Variants in CAP2 observed in about 807,000 individuals in gnomAD.
CAP2 encodes the protein adenylyl cyclase-associated protein 2.
CAP2 carries 24 observed loss-of-function variants against 57.7 expected under a neutral mutation model. The ratio of observed to expected loss-of-function variants is 0.42; its 90% CI spans 0.30 to 0.58. The LOEUF (loss-of-function observed/expected upper bound fraction) is 0.58, where lower values mean the gene tolerates loss of function less well. CAP2 is among the 20% of genes least tolerant of loss of function. The probability of loss-of-function intolerance (pLI) is 0.22; values close to 1 mark genes in which losing one functional copy is unlikely to be tolerated. For missense variants in CAP2, 501 were observed against 590.3 expected, an observed-to-expected ratio of 0.85 and a Z score of 1.57; for synonymous variants, 194 against 207.2, an observed-to-expected ratio of 0.94 and a Z score of 0.55.
intron 4 of CAP2, among the ~76,000 whole-genome samples, chr6:17,463,725 T>C (rs1561792780): frequency 6.6e-6 from 1 of 152,160 alleles, no homozygotes; most frequent in Non-Finnish European, 1.5e-5. Context: ...TGATCCTCAT[T>C]CTCAAAACAC....
At chr6:17,402,081 G>T (rs1453614888) in intron 1 of CAP2, among the ~76,000 whole-genome samples, 1 of 152,146 alleles carries the variant, frequency 6.6e-6, no homozygotes, top group African/African-American at 2.4e-5. Context: ...TTTGCCAAAG[G>T]TACATGTGCA....
chr6:17,458,211 C>G (rs1760627617), intron 3 of CAP2, among the ~76,000 whole-genome samples: 1 of 152,206 alleles, frequency 6.6e-6, no homozygotes, highest in Non-Finnish European at 1.5e-5. Flanking sequence ...TGAAAGCCCT[C>G]TATTCTTCCC....
At position 17,556,527 on chromosome 6, in the gene CAP2, T is replaced by G. The variant is rs566767135; in HGVS notation, c.*85T>G. On this transcript the variant is annotated 3_prime_UTR_variant, in exon 13 of 13. Coordinates refer to ENST00000229922, the MANE Select transcript of CAP2 (RefSeq NM_006366.3). ...AGCAGTAAAGAGCTAGAAGTTGCAG[T>G]AGCCCCTACTGCTTTAGCTTTGGCC... is the stretch of plus-strand genomic sequence containing the variant. 2.8e-3 allele frequency: 2,530 copies of G among 919,624 alleles called. 7 individuals are homozygous for G. Among genetic ancestry groups the G allele is most frequent in the Non-Finnish European group, 3.9e-3 (2,143 of 550,404 alleles). The allele number at this position is 919,624 out of a possible 1,614,324, so 57.0% of individuals were successfully genotyped here.
intron 6 of CAP2, among the ~76,000 whole-genome samples, chr6:17,511,631 T>C (rs1231252669): frequency 6.6e-6 from 1 of 152,092 alleles, no homozygotes; most frequent in African/African-American, 2.4e-5. Flanking sequence ...TTTTTGCATT[T>C]TTAGTGGAGA....
rs1262352983 is a variant in CAP2, at chr6:17,492,422, C to T, written c.301-14747C>T. On this transcript the variant is annotated intron_variant, in intron 4 of 12. Coordinates refer to ENST00000229922, the MANE Select transcript of CAP2 (RefSeq NM_006366.3). ...AGGGTCTAGCAGGAACATGGAACTG[C>T]AGCTGGCAGGCTTTATTCTGTGCTG... Among the ~76,000 whole-genome samples the T allele has an allele frequency of 2.6e-5, 4 of 152,182 alleles. No homozygotes were observed. The South Asian group carries it at 8.3e-4, about 32-fold the overall frequency.
At chr6:17,547,578 A>G (rs1763074025) in intron 11 of CAP2, among the ~76,000 whole-genome samples, 1 of 152,222 alleles carries the variant, frequency 6.6e-6, no homozygotes, top group Non-Finnish European at 1.5e-5. Flanking sequence ...ACGGTGGCTC[A>G]CGCCTGTAAT....
intron 3 of CAP2, among the ~76,000 whole-genome samples, chr6:17,453,528 A>AC (rs1325254172): frequency 6.6e-6 from 1 of 152,216 alleles, no homozygotes; most frequent in Non-Finnish European, 1.5e-5. Flanking sequence ...TGCCTTGACC[A>AC]CAGTGAACGG....
chr6:17,526,271 C>A (rs1762506722), intron 7 of CAP2, among the ~76,000 whole-genome samples: 1 of 152,066 alleles, frequency 6.6e-6, no homozygotes, highest in Non-Finnish European at 1.5e-5. Context: ...GCACGCACCA[C>A]CATACCTGAC....
intron 7 of CAP2, among the ~76,000 whole-genome samples, chr6:17,526,122 T>C (rs979198689): frequency 2.8e-5 from 4 of 145,136 alleles, no homozygotes; most frequent in Admixed American, 1.4e-4. Flanking sequence ...AAATGTGTCT[T>C]TTTTTTTTTT....
intron 4 of CAP2, 97 bp downstream of exon 4, chr6:17,463,170 C>T (rs1760773923): frequency 1.2e-6 from 1 of 818,804 alleles, no homozygotes. Flanking sequence ...AGTCGACCTC[C>T]TAAAAATGAG....
intron 1 of CAP2, among the ~76,000 whole-genome samples, chr6:17,405,628 T>C (rs1434592958): frequency 1.3e-5 from 2 of 152,178 alleles, no homozygotes; most frequent in Non-Finnish European, 2.9e-5. Context: ...GGGCAACTAC[T>C]CTATTTGGAT....
At chr6:17,507,831 A>G (rs1421772644) in intron 6 of CAP2, 105 bp downstream of exon 6, 1 of 657,962 alleles carries the variant, frequency 1.5e-6, no homozygotes, top group Non-Finnish European at 2.8e-6. Context: ...AAGGCTCTAC[A>G]CTAATGTACT....
chr6:17,429,739 A>G (rs1016909687), intron 3 of CAP2, among the ~76,000 whole-genome samples: 4 of 152,226 alleles, frequency 2.6e-5, no homozygotes, highest in African/African-American at 9.6e-5. Context: ...CAAGCAAGAA[A>G]GAGAGAAAGA....
intron 1 of CAP2, among the ~76,000 whole-genome samples, chr6:17,393,955 G>A (rs916645251): frequency 4.0e-4 from 59 of 147,694 alleles, no homozygotes; most frequent in African/African-American, 1.3e-3. Context: ...CGGGGCGCGG[G>A]CGCGGGCGGA....
At chr6:17,393,919 G>A (rs1758602746) in intron 1 of CAP2, among the ~76,000 whole-genome samples, 173 bp downstream of exon 1, 1 of 147,738 alleles carries the variant, frequency 6.8e-6, no homozygotes, top group African/African-American at 2.4e-5. Context: ...CGCGGGCGCG[G>A]GGGCCGGGGC....
At chr6:17,487,230 GT>G (rs796187148) in intron 4 of CAP2, among the ~76,000 whole-genome samples, 15 of 152,192 alleles carry the variant, frequency 9.9e-5, no homozygotes, top group African/African-American at 3.6e-4. Context: ...TGCTGTGGAC[GT>G]CCCCAGTCGC....
At chr6:17,396,185 C>T (rs368689674) in intron 1 of CAP2, among the ~76,000 whole-genome samples, 1 of 152,130 alleles carries the variant, frequency 6.6e-6, no homozygotes, top group African/African-American at 2.4e-5. Context: ...GGAATTGGAA[C>T]CTTTGTACAC....
At chr6:17,417,082 G>A (rs1759297574) in intron 1 of CAP2, among the ~76,000 whole-genome samples, 1 of 151,714 alleles carries the variant, frequency 6.6e-6, no homozygotes, top group Admixed American at 6.6e-5. Flanking sequence ...CTGAGAAACA[G>A]TGAGACTCTG....
chr6:17,547,739 G>A (rs1257879897), intron 11 of CAP2, among the ~76,000 whole-genome samples: 1 of 151,828 alleles, frequency 6.6e-6, no homozygotes, highest in East Asian at 1.9e-4. Context: ...TACTCAGGAG[G>A]CTGAGGCAGG....
Sources: allele counts gnomAD v4.1 joint callset (sites outside exome capture counted in the v4.1 genomes callset), GRCh38; gene constraint gnomAD v4.1.1; transcripts MANE v1.5; gene names NCBI Gene and HGNC (gene_info 2026-07-23, HGNC 2026-07-21).